KAZN: variants seen among roughly 807,000 people sequenced by gnomAD.
KAZN encodes kazrin, periplakin interacting protein, also known as kazrin.
A neutral mutation model predicts 87.4 loss-of-function variants in KAZN; 40 were observed. That is an observed-to-expected ratio of 0.46 (90% CI 0.36 to 0.60). The LOEUF is 0.60. Ranked by LOEUF, KAZN falls within the 20% of genes least tolerant of loss-of-function variation. The probability of loss-of-function intolerance (pLI) is 0.00; values close to 1 mark genes in which losing one functional copy is unlikely to be tolerated. For synonymous variants in KAZN, 466 were observed against 458.3 expected, an observed-to-expected ratio of 1.02 and a Z score of -0.22; for missense variants, 898 against 1,073.9, an observed-to-expected ratio of 0.84 and a Z score of 2.29.
At chr1:14,980,021 T>G (rs1022869344) in intron 2 of KAZN, among the ~76,000 whole-genome samples, 5 of 152,154 alleles carry the variant, frequency 3.3e-5, no homozygotes, top group African/African-American at 1.2e-4. Context: ...CCTGAGTAGC[T>G]AGGACTACAG....
chr1:13,946,923 C>T (rs1458899811), intron 1 of KAZN, among the ~76,000 whole-genome samples: 2 of 152,064 alleles, frequency 1.3e-5, no homozygotes, highest in Admixed American at 6.5e-5. Context: ...TTCTGGAAGC[C>T]GGATGTCCAA....
chr1:14,508,583 C>T (rs1040050761), intron 2 of KAZN, among the ~76,000 whole-genome samples: 4 of 152,100 alleles, frequency 2.6e-5, no homozygotes, highest in African/African-American at 9.7e-5. Context: ...GTGGAATCAC[C>T]TGGTTTCAAT....
chr1:14,906,843 T>A (rs950348869), intron 1 of KAZN, among the ~76,000 whole-genome samples: 1 of 150,890 alleles, frequency 6.6e-6, no homozygotes, highest in African/African-American at 2.4e-5. Flanking sequence ...GGCCCTCTGA[T>A]GAATTCTGTT....
intron 2 of KAZN, among the ~76,000 whole-genome samples, chr1:14,250,533 CAACT>C (rs1282496240): frequency 6.6e-6 from 1 of 151,148 alleles, no homozygotes; most frequent in African/African-American, 2.4e-5. Context: ...AGGAAAAAGA[CAACT>C]AACATCACAG....
intron 1 of KAZN, among the ~76,000 whole-genome samples, chr1:14,770,559 G>T (rs978708046): frequency 6.6e-6 from 1 of 152,134 alleles, no homozygotes; most frequent in Non-Finnish European, 1.5e-5. Flanking sequence ...CCATCAGTTA[G>T]ACTATGTGTG....
intron 1 of KAZN, among the ~76,000 whole-genome samples, chr1:14,613,302 CAGAT>C (rs1485268514): frequency 6.6e-6 from 1 of 152,220 alleles, no homozygotes; most frequent in Non-Finnish European, 1.5e-5. Context: ...TGAGGGAAAA[CAGAT>C]AGTATGCCGC....
chr1:13,978,582 T>A (rs922342076), intron 1 of KAZN, among the ~76,000 whole-genome samples: 15 of 151,798 alleles, frequency 9.9e-5, no homozygotes, highest in Non-Finnish European at 2.9e-5. Flanking sequence ...AAAAGTAGAT[T>A]AGACACAGTA....
intron 1 of KAZN, among the ~76,000 whole-genome samples, chr1:14,021,292 C>A (rs1640813460): frequency 6.6e-6 from 1 of 152,188 alleles, no homozygotes. Flanking sequence ...TGTCCAAGAG[C>A]CTTGCTATAA....
At chr1:14,597,388 G>A (rs896495543), upstream of KAZN, among the ~76,000 whole-genome samples, 1 of 152,110 alleles carries the variant, frequency 6.6e-6, no homozygotes, top group South Asian at 2.1e-4. Context: ...ATCATCCAAG[G>A]CCTCCTGAAG....
rs550701018 is a variant in KAZN at position 13,943,600 on chromosome 1, G to A, written c.91+49844G>A. 4.7e-4 allele frequency among the ~76,000 whole-genome samples: 71 copies of A among 152,180 alleles called. No individual in the cohort carries two copies. The Middle Eastern group carries it at 0.01, about 22-fold the overall frequency. ...TACTAAAAGAAATCTACCAAAGGGA[G>A]TTTTCAGGTAGAAGAAACATGATCC... On this transcript the variant is annotated intron_variant, in intron 1 of 16. Coordinates refer to the KAZN transcript ENST00000636203.
At chr1:14,320,255 A>G (rs575684467) in intron 2 of KAZN, among the ~76,000 whole-genome samples, 35 of 152,276 alleles carry the variant, frequency 2.3e-4, no homozygotes, top group East Asian at 1.4e-3. Flanking sequence ...CTCTTCACCA[A>G]TGTTTTCCAA....
chr1:14,679,873 CATA>C (rs1282906901), intron 1 of KAZN, among the ~76,000 whole-genome samples: 1 of 152,052 alleles, frequency 6.6e-6, no homozygotes. Context: ...TCTTGTTGAG[CATA>C]ATAAGTGAGG....
At chr1:14,341,323 T>C (rs975262519) in intron 2 of KAZN, among the ~76,000 whole-genome samples, 1 of 152,244 alleles carries the variant, frequency 6.6e-6, no homozygotes, top group African/African-American at 2.4e-5. Context: ...GACAGGCACC[T>C]GCAGTTGACC....
At chr1:14,338,259 A>G (rs1013971283) in intron 2 of KAZN, among the ~76,000 whole-genome samples, 1 of 151,996 alleles carries the variant, frequency 6.6e-6, no homozygotes, top group Non-Finnish European at 1.5e-5. Context: ...GGATCACTTG[A>G]GGTCAGGAGC....
intron 2 of KAZN, among the ~76,000 whole-genome samples, chr1:14,591,095 A>G (rs960808079): frequency 6.6e-6 from 1 of 152,012 alleles, no homozygotes; most frequent in Admixed American, 6.6e-5. Context: ...TGGCTAGAAC[A>G]CTTGACCCTA....
chr1:14,811,225 A>T (rs1646398924), intron 1 of KAZN, among the ~76,000 whole-genome samples: 1 of 151,392 alleles, frequency 6.6e-6, no homozygotes, highest in African/African-American at 2.4e-5. Context: ...AGTAATTAGC[A>T]CGTCAGCTTT....
intron 1 of KAZN, among the ~76,000 whole-genome samples, chr1:14,774,472 T>A (rs559666669): frequency 9.2e-6 from 1 of 108,376 alleles, no homozygotes; most frequent in African/African-American, 4.3e-5. Context: ...GAACAGATTT[T>A]TTTTTTTTTT....
At chr1:14,799,540 T>A (rs1645941725) in intron 1 of KAZN, among the ~76,000 whole-genome samples, 1 of 152,226 alleles carries the variant, frequency 6.6e-6, no homozygotes, top group Non-Finnish European at 1.5e-5. Context: ...AACTTTCATT[T>A]AATTTTTTAG....
chr1:14,225,061 A>G (rs1445340569), intron 2 of KAZN, among the ~76,000 whole-genome samples: 1 of 152,200 alleles, frequency 6.6e-6, no homozygotes, highest in Non-Finnish European at 1.5e-5. Flanking sequence ...GCAATCAGGC[A>G]AAAGAAAAAA....
Sources: allele counts gnomAD v4.1 joint callset (sites outside exome capture counted in the v4.1 genomes callset), GRCh38; gene constraint gnomAD v4.1.1; transcripts MANE v1.5; gene names NCBI Gene and HGNC (gene_info 2026-07-23, HGNC 2026-07-21).